The following DNAH11 variants were observed in gnomAD, a reference collection of about 807,000 sequenced individuals.
DNAH11 encodes axonemal beta dynein heavy chain 11.
A neutral mutation model predicts 526.0 loss-of-function variants in DNAH11; 442 were observed. That is an observed-to-expected ratio of 0.84 (90% CI 0.78 to 0.91). The LOEUF (loss-of-function observed/expected upper bound fraction) is 0.91, where lower values mean the gene tolerates loss of function less well. Ranked by LOEUF, DNAH11 falls within the 40% of genes least tolerant of loss-of-function variation. DNAH11 has a pLI of 0.00. For missense variants in DNAH11, 6,989 were observed against 5,448.7 expected, an observed-to-expected ratio of 1.28 and a Z score of -8.90; for synonymous variants, 2,461 against 1,935.9, an observed-to-expected ratio of 1.27 and a Z score of -7.12.
At chr7:21,677,340 AT>A (rs1308796694) in intron 30 of DNAH11, among the ~76,000 whole-genome samples, 1 of 151,270 alleles carries the variant, frequency 6.6e-6, no homozygotes, top group Middle Eastern at 3.2e-3. Flanking sequence ...GGAATATTTA[AT>A]TTTTTTATTA....
At chr7:21,850,456 T>G (rs927210904) in intron 66 of DNAH11, among the ~76,000 whole-genome samples, 2 of 152,016 alleles carry the variant, frequency 1.3e-5, no homozygotes, top group Non-Finnish European at 2.9e-5. Flanking sequence ...AGTTTCTATC[T>G]CTACTTACAT....
intron 45 of DNAH11, among the ~76,000 whole-genome samples, chr7:21,729,026 G>C (rs1005064310): frequency 2.6e-5 from 4 of 152,228 alleles, no homozygotes; most frequent in Admixed American, 6.5e-5. Flanking sequence ...AGTGACAGAA[G>C]TGGTGACCCC....
intron 2 of DNAH11, among the ~76,000 whole-genome samples, chr7:21,549,413 A>C (rs558867772): frequency 2.6e-4 from 39 of 152,138 alleles, no homozygotes; most frequent in African/African-American, 8.9e-4. Context: ...CCTTTACCTT[A>C]ATTATTTTTA....
intron 45 of DNAH11, among the ~76,000 whole-genome samples, chr7:21,733,063 T>G (rs1785448485): frequency 2.0e-5 from 3 of 151,886 alleles, no homozygotes; most frequent in Non-Finnish European, 4.4e-5. Flanking sequence ...GGTGGGGACT[T>G]GGACAAAGTG....
chr7:21,553,548 C>T (rs7787079), intron 2 of DNAH11, among the ~76,000 whole-genome samples: 1 of 152,046 alleles, frequency 6.6e-6, no homozygotes, highest in Non-Finnish European at 1.5e-5. Context: ...GTGGGTGGGA[C>T]CTACTCAGAA....
In DNAH11 at chr7:21,599,960, A is replaced by G. The variant is rs1162778746; in HGVS notation, c.2841A>G (p.Gln947=). 1.2e-6 allele frequency: 2 copies of G among 1,613,696 alleles called. No homozygotes were observed. The highest frequency in any genetic ancestry group is 1.1e-5 in the South Asian group (1 of 91,052). Residue 947 remains glutamine, a synonymous_variant, in exon 15 of 82, where the codon CAA becomes CAG. Coordinates refer to ENST00000409508, the MANE Select transcript of DNAH11 (RefSeq NM_001277115.2). ...AACCGGCACCGTTTTTTCAAGCACA[A>G]ATGATCTTGTTGCCTCCTGAGATTG... ...QLKPAPFFQA[Q]MILLPPEIVF...
intron 31 of DNAH11, 115 bp downstream of exon 31, chr7:21,681,792 A>C: frequency 7.7e-7 from 1 of 1,292,992 alleles, no homozygotes; most frequent in Non-Finnish European, 1.1e-6. Flanking sequence ...TGTTTTAATT[A>C]GTCCTGAAAA....
At chr7:21,633,048 G>A (rs1304694156) in intron 25 of DNAH11, among the ~76,000 whole-genome samples, 1 of 152,198 alleles carries the variant, frequency 6.6e-6, no homozygotes, top group Non-Finnish European at 1.5e-5. Context: ...AAGACAGCTT[G>A]TGCTGGCGAT....
At chr7:21,652,829 C>G (rs1408319917) in intron 28 of DNAH11, among the ~76,000 whole-genome samples, 1 of 152,052 alleles carries the variant, frequency 6.6e-6, no homozygotes, top group Non-Finnish European at 1.5e-5. Flanking sequence ...TATCCTTTCT[C>G]TATCAAAAGA....
intron 34 of DNAH11, among the ~76,000 whole-genome samples, chr7:21,688,622 T>A (rs2128474350): frequency 6.6e-6 from 1 of 152,334 alleles, no homozygotes; most frequent in South Asian, 2.1e-4. Context: ...TTCTCATATT[T>A]AATATATCCA....
chr7:21,821,098 G>C (rs924363644), intron 65 of DNAH11, among the ~76,000 whole-genome samples: 1 of 152,108 alleles, frequency 6.6e-6, no homozygotes, highest in South Asian at 2.1e-4. Context: ...TGGATATTAT[G>C]GTGGGGAAAA....
chr7:21,672,841 CACCACTATGTATCAGGA>C (rs1176977667), intron 30 of DNAH11, among the ~76,000 whole-genome samples: 1 of 152,172 alleles, frequency 6.6e-6, no homozygotes, highest in Non-Finnish European at 1.5e-5. Flanking sequence ...GGGGACCAGC[CACCACTATGTATCAGGA>C]ACCACTGCTT....
Position 21,861,039 on chromosome 7 carries a change from T to A in DNAH11, c.11203-814T>A, listed in dbSNP as rs1783045331. Among the ~76,000 whole-genome samples, 2 of 152,172 alleles carry A rather than the reference T, an allele frequency of 1.3e-5. 1 individual carries two copies. The highest frequency in any genetic ancestry group is 4.1e-4 in the South Asian group (2 of 4,828). On this transcript the variant is annotated intron_variant, in intron 68 of 81. Coordinates refer to ENST00000409508, the MANE Select transcript of DNAH11 (RefSeq NM_001277115.2). Reference sequence around the variant, plus strand: ...CAACACATGGGAATTATGGGAGCTATAATTCAAGATGAGATTTGGGTGGGG... The same window carrying A: ...CAACACATGGGAATTATGGGAGCTAAAATTCAAGATGAGATTTGGGTGGGG...
intron 68 of DNAH11, among the ~76,000 whole-genome samples, chr7:21,855,670 G>A (rs1782817376): frequency 6.6e-6 from 1 of 152,190 alleles, no homozygotes; most frequent in Admixed American, 6.5e-5. Flanking sequence ...GTACCATGCT[G>A]CTGCCTGCTG....
chr7:21,731,933 G>C (rs1469629141), intron 45 of DNAH11, among the ~76,000 whole-genome samples: 2 of 152,204 alleles, frequency 1.3e-5, no homozygotes, highest in Non-Finnish European at 2.9e-5. Context: ...CTATTTTACT[G>C]TTGTTAATCT....
At chr7:21,843,240 A>G (rs939772344) in intron 66 of DNAH11, among the ~76,000 whole-genome samples, 2 of 152,240 alleles carry the variant, frequency 1.3e-5, no homozygotes, top group Non-Finnish European at 1.5e-5. Context: ...TAGCCTTAAA[A>G]TGTAGAAGAA....
intron 25 of DNAH11, among the ~76,000 whole-genome samples, chr7:21,622,384 G>A (rs1472272697): frequency 6.6e-6 from 1 of 152,106 alleles, no homozygotes. Flanking sequence ...TGTGAAAATG[G>A]CCATACTGCC....
At chr7:21,776,310 C>G (rs557252977) in intron 56 of DNAH11, among the ~76,000 whole-genome samples, 4 of 152,238 alleles carry the variant, frequency 2.6e-5, no homozygotes, top group Admixed American at 2.6e-4. Context: ...AATGCTCTTA[C>G]TATCAAAAAA....
At chr7:21,552,212 A>G (rs1284433025) in intron 2 of DNAH11, among the ~76,000 whole-genome samples, 1 of 152,194 alleles carries the variant, frequency 6.6e-6, no homozygotes, top group African/African-American at 2.4e-5. Context: ...CAGGGCTGTA[A>G]TGAAGGCCTG....
Sources: gnomAD v4.1 joint callset for allele counts (sites outside exome capture counted in the v4.1 genomes callset) on GRCh38, gnomAD v4.1.1 for gene constraint, MANE v1.5 for transcripts, NCBI Gene and HGNC (gene_info 2026-07-23, HGNC 2026-07-21) for gene names.